ZNF609: variants seen among roughly 807,000 people sequenced by gnomAD.
ZNF609 encodes the protein zinc finger protein 609.
In ZNF609, 11 loss-of-function variants were observed where a neutral mutation model predicts 109.5. The ratio of observed to expected loss-of-function variants is 0.10; its 90% CI spans 0.06 to 0.17. The LOEUF (loss-of-function observed/expected upper bound fraction) is 0.17, where lower values mean the gene tolerates loss of function less well. ZNF609 is among the 10% of genes least tolerant of loss of function. ZNF609 has a pLI of 1.00. For synonymous variants in ZNF609, 646 were observed against 662.0 expected, an observed-to-expected ratio of 0.98 and a Z score of 0.37; for missense variants, 1,559 against 1,772.4, an observed-to-expected ratio of 0.88 and a Z score of 2.16.
At chr15:64,526,324 T>A (rs1893967245) in intron 2 of ZNF609, among the ~76,000 whole-genome samples, 1 of 152,164 alleles carries the variant, frequency 6.6e-6, no homozygotes, top group Non-Finnish European at 1.5e-5. Context: ...TGGAATTCGT[T>A]TGTTGGCTCT....
chr15:64,545,411 C>G (rs1023588292), intron 2 of ZNF609, among the ~76,000 whole-genome samples: 1 of 152,150 alleles, frequency 6.6e-6, no homozygotes, highest in Non-Finnish European at 1.5e-5. Context: ...GTTGCCCAGG[C>G]TGGACTTGAA....
At chr15:64,502,572 G>C (rs573070128) in intron 2 of ZNF609, 1 of 152,258 alleles carries the variant, frequency 6.6e-6, no homozygotes, top group South Asian at 2.1e-4. Flanking sequence ...GCTTGCCTGT[G>C]GTTTGGGACG....
chr15:64,516,910 T>G (rs1009174675), intron 2 of ZNF609, among the ~76,000 whole-genome samples: 5 of 152,184 alleles, frequency 3.3e-5, no homozygotes, highest in Non-Finnish European at 5.9e-5. Flanking sequence ...AGGATGATTC[T>G]GATTTTAAAA....
chr15:64,576,951 T>TATATGTATATATACACATAA (rs1894969644), intron 2 of ZNF609, among the ~76,000 whole-genome samples: 1 of 141,178 alleles, frequency 7.1e-6, no homozygotes, highest in Non-Finnish European at 1.5e-5. Flanking sequence ...AATATATACA[T>TATATGTATATATACACATAA]ATATGTATAT....
At chr15:64,605,836 C>T (rs540386383) in intron 2 of ZNF609, among the ~76,000 whole-genome samples, 31 of 144,886 alleles carry the variant, frequency 2.1e-4, no homozygotes, top group South Asian at 6.5e-4. Flanking sequence ...CAGGTTCAAG[C>T]GATTCTCCTG....
chr15:64,492,890 T>C (rs1893433889), intron 1 of ZNF609, among the ~76,000 whole-genome samples: 1 of 152,176 alleles, frequency 6.6e-6, no homozygotes. Context: ...GAGTATAGCA[T>C]TTTTTCTTTG....
chr15:64,543,098 G>C (rs1158383387), intron 2 of ZNF609, among the ~76,000 whole-genome samples: 1 of 151,992 alleles, frequency 6.6e-6, no homozygotes. Context: ...ACCGTGGGAC[G>C]TGTATACCTA....
At chr15:64,662,957 G>A (rs766002059) in intron 3 of ZNF609, among the ~76,000 whole-genome samples, 10 of 152,040 alleles carry the variant, frequency 6.6e-5, no homozygotes, top group Admixed American at 1.3e-4. Flanking sequence ...ATGAGCCACC[G>A]TGCTTGGCTA....
At chr15:64,605,093 A>T (rs948821233) in intron 2 of ZNF609, among the ~76,000 whole-genome samples, 1 of 152,086 alleles carries the variant, frequency 6.6e-6, no homozygotes, top group African/African-American at 2.4e-5. Flanking sequence ...AGCCTACCAA[A>T]GTGCTGGGAT....
chr15:64,493,487 G>C (rs929566002), intron 1 of ZNF609, among the ~76,000 whole-genome samples: 1 of 152,076 alleles, frequency 6.6e-6, no homozygotes, highest in African/African-American at 2.4e-5. Flanking sequence ...GAGTGCTTTG[G>C]GTAAATACAG....
At chr15:64,592,471 G>T (rs921179610) in intron 2 of ZNF609, among the ~76,000 whole-genome samples, 1 of 152,122 alleles carries the variant, frequency 6.6e-6, no homozygotes, top group African/African-American at 2.4e-5. Flanking sequence ...CTAGCTACTT[G>T]AGAGGCTAAG....
At chr15:64,656,414 A>C (rs1029400475) in intron 3 of ZNF609, among the ~76,000 whole-genome samples, 6 of 152,148 alleles carry the variant, frequency 3.9e-5, no homozygotes, top group African/African-American at 1.4e-4. Flanking sequence ...ATCAGTAACA[A>C]TTAACAAATA....
intron 2 of ZNF609, among the ~76,000 whole-genome samples, chr15:64,574,896 C>T (rs1894924615): frequency 6.6e-6 from 1 of 151,996 alleles, no homozygotes; most frequent in African/African-American, 2.4e-5. Flanking sequence ...GAGGGAGGGA[C>T]CTGTGGCTGT....
intron 5 of ZNF609, 22 bp downstream of exon 5, chr15:64,676,278 A>G (rs1896809763): frequency 6.3e-7 from 1 of 1,577,214 alleles, no homozygotes; most frequent in African/African-American, 1.4e-5. Flanking sequence ...CCTGGGAGGA[A>G]GTGGAAATAC....
At chr15:64,645,056 T>TCTTCCTTCCTTC (rs1215784646) in intron 3 of ZNF609, among the ~76,000 whole-genome samples, 11 of 141,820 alleles carry the variant, frequency 7.8e-5, no homozygotes, top group Non-Finnish European at 1.5e-4. Flanking sequence ...TTTCTTCCTT[T>TCTTCCTTCCTTC]CTTCCTTCCT....
In ZNF609 at chr15:64,541,507, G is replaced by A. The variant is rs551181435; in HGVS notation, c.747+41341G>A. On this transcript the variant is annotated intron_variant, in intron 2 of 9. Coordinates refer to ENST00000326648, the MANE Select transcript of ZNF609 (RefSeq NM_015042.2). ...GTGGTACACTTGCTAGTGAATTACA[G>A]TGGGACTATAACTGATTCTAGAGAA... is the stretch of plus-strand genomic sequence containing the variant. 7.9e-5 allele frequency among the ~76,000 whole-genome samples: 12 copies of A among 151,726 alleles called. No homozygotes were observed. In the East Asian group the frequency reaches 1.6e-3, roughly 20 times the overall value.
chr15:64,570,126 T>C (rs554912503), intron 2 of ZNF609, among the ~76,000 whole-genome samples: 8 of 152,282 alleles, frequency 5.3e-5, no homozygotes, highest in Admixed American at 2.6e-4. Context: ...TCCCAAAGTG[T>C]TGAGATTACA....
intron 2 of ZNF609, among the ~76,000 whole-genome samples, chr15:64,595,360 C>CAAAA (rs923203042): frequency 1.3e-4 from 10 of 76,780 alleles, no homozygotes; most frequent in African/African-American, 4.4e-4. Context: ...GATTCCGTCT[C>CAAAA]AAAAAAAAAA....
intron 2 of ZNF609, among the ~76,000 whole-genome samples, chr15:64,602,222 T>G (rs1323616796): frequency 6.6e-6 from 1 of 152,208 alleles, no homozygotes; most frequent in Non-Finnish European, 1.5e-5. Flanking sequence ...ATTTTCTTCT[T>G]TAAACTTCAT....
Sources: allele counts gnomAD v4.1 joint callset (sites outside exome capture counted in the v4.1 genomes callset), GRCh38; gene constraint gnomAD v4.1.1; transcripts MANE v1.5; gene names NCBI Gene and HGNC (gene_info 2026-07-23, HGNC 2026-07-21).